Variants in SLC2A5 observed in about 807,000 individuals in gnomAD.
SLC2A5 encodes solute carrier family 2, facilitated glucose transporter member 5.
SLC2A5 carries 56 observed loss-of-function variants against 50.3 expected under a neutral mutation model. The ratio of observed to expected loss-of-function variants is 1.11; its 90% CI spans 0.90 to 1.39. The LOEUF is 1.39. SLC2A5 is among the 40% of genes most tolerant of loss of function. SLC2A5 has a pLI of 0.00. For synonymous variants in SLC2A5, 269 were observed against 281.9 expected (o/e 0.95, Z 0.46); for missense variants, 566 against 650.1 (o/e 0.87, Z 1.41).
Position 9,037,611 on chromosome 1 carries a change from A to C in SLC2A5, c.1481T>G (p.Leu494Arg), listed in dbSNP as rs1214102339. Reference protein sequence around the residue: ...VYPEKEELKELPPVTSEQ With the variant: ...VYPEKEELKERPPVTSEQ ...TCACTGTTCCGAAGTGACAGGTGGA[A>C]GCTCTTTCAGTTCCTCCTTTTCCGG... The change falls in exon 12 of 12, where the codon CTT becomes CGT. Residue 494 changes from leucine (L) to arginine (R), a missense_variant. Coordinates refer to ENST00000377424, the MANE Select transcript of SLC2A5 (RefSeq NM_003039.3). 2 of 1,613,944 alleles carry C rather than the reference A, an allele frequency of 1.2e-6. No homozygotes were observed. Among genetic ancestry groups the C allele is most frequent in the Non-Finnish European group, 1.7e-6 (2 of 1,180,008 alleles).
chr1:9,085,263 G>A (rs1285592825), intron 1 of SLC2A5: 1 of 152,224 alleles, frequency 6.6e-6, no homozygotes, highest in Non-Finnish European at 1.5e-5. Context: ...GTGCCCAAGG[G>A]TACAGCTTGC....
chr1:9,037,537 A>G lies in SLC2A5; in HGVS notation c.*49T>C. 6.5e-7 allele frequency: 1 copy of G among 1,531,850 alleles called. No homozygotes were observed. The highest frequency in any genetic ancestry group is 9.0e-7 in the Non-Finnish European group (1 of 1,108,622). 94.9% of individuals were successfully genotyped at this position (1,531,850 alleles called of 1,614,324 possible). On this transcript the variant is annotated 3_prime_UTR_variant, in exon 12 of 12. Coordinates refer to ENST00000377424, the MANE Select transcript of SLC2A5 (RefSeq NM_003039.3). ...CAGCTAGAAGTCAGAAAAATAAGCC[A>G]AAGTGGGAAGCCCCTGGCAGACCAG...
intron 1 of SLC2A5, among the ~76,000 whole-genome samples, chr1:9,062,016 C>T (rs558554637): frequency 1.3e-5 from 2 of 152,342 alleles, no homozygotes; most frequent in South Asian, 4.1e-4. Flanking sequence ...ATTCAAGCCA[C>T]AGGCACATTC....
At chr1:9,080,475 G>C (rs568799199) in intron 2 of SLC2A5, among the ~76,000 whole-genome samples, 1 of 152,214 alleles carries the variant, frequency 6.6e-6, no homozygotes, top group East Asian at 1.9e-4. Flanking sequence ...ACCAGCACTT[G>C]TTATTTTCTG....
At chr1:9,093,291 C>T (rs957672910), upstream of SLC2A5, among the ~76,000 whole-genome samples, 2 of 152,150 alleles carry the variant, frequency 1.3e-5, no homozygotes, top group African/African-American at 4.8e-5. Context: ...GACTCCCCAG[C>T]TGGTTTCATC....
intron 3 of SLC2A5, among the ~76,000 whole-genome samples, chr1:9,054,142 A>C (rs1394064075): frequency 6.6e-6 from 1 of 152,176 alleles, no homozygotes; most frequent in Non-Finnish European, 1.5e-5. Flanking sequence ...ACACGGAGGA[A>C]CTTCATGGAG....
intron 2 of SLC2A5, among the ~76,000 whole-genome samples, chr1:9,084,013 G>A (rs575522978): frequency 6.7e-6 from 1 of 149,378 alleles, no homozygotes; most frequent in Non-Finnish European, 1.5e-5. Context: ...GCAAGGTGGC[G>A]GGCGCCTGTA....
intron 1 of SLC2A5, among the ~76,000 whole-genome samples, chr1:9,069,298 C>A (rs529362095): frequency 6.6e-6 from 1 of 152,334 alleles, no homozygotes; most frequent in East Asian, 1.9e-4. Context: ...AGAATGATTT[C>A]CACAGAGCAC....
chr1:9,039,025 C>T (rs1368635789), intron 8 of SLC2A5, 96 bp from the exon 9 acceptor site: 4 of 1,411,404 alleles, frequency 2.8e-6, no homozygotes, highest in Admixed American at 4.4e-5. Context: ...CTGGGCGGAC[C>T]GGGTGCCCAC....
chr1:9,044,800 CTG>C (rs1323199046), intron 4 of SLC2A5, among the ~76,000 whole-genome samples: 2 of 152,190 alleles, frequency 1.3e-5, no homozygotes, highest in African/African-American at 2.4e-5. Flanking sequence ...AGTGATCCAA[CTG>C]CCTCAGCTTC....
At chr1:9,043,350 A>G (rs1641352799) in intron 4 of SLC2A5, among the ~76,000 whole-genome samples, 1 of 152,126 alleles carries the variant, frequency 6.6e-6, no homozygotes, top group African/African-American at 2.4e-5. Flanking sequence ...TTGAAAAGAG[A>G]CATCACAGTT....
At chr1:9,062,475 G>A (rs1237479165) in intron 1 of SLC2A5, among the ~76,000 whole-genome samples, 2 of 152,160 alleles carry the variant, frequency 1.3e-5, no homozygotes, top group African/African-American at 4.8e-5. Flanking sequence ...AAACCGGGGT[G>A]AGGGCCACAG....
chr1:9,093,459 T>A (rs1157454341), upstream of SLC2A5, among the ~76,000 whole-genome samples: 1 of 152,100 alleles, frequency 6.6e-6, no homozygotes, highest in African/African-American at 2.4e-5. Context: ...AAGCCGCTTA[T>A]GTCTCTTTGT....
At chr1:9,039,744 T>C in intron 7 of SLC2A5, 56 bp downstream of exon 7, 2 of 1,423,710 alleles carry the variant, frequency 1.4e-6, no homozygotes, top group South Asian at 2.9e-5. Context: ...CCCCAGGACC[T>C]GCGCCCCGCG....
intron 3 of SLC2A5, among the ~76,000 whole-genome samples, chr1:9,050,344 G>C (rs1412931159): frequency 2.0e-5 from 3 of 151,910 alleles, no homozygotes; most frequent in South Asian, 4.2e-4. Context: ...TGTAGTCCCA[G>C]CTACTGGAGA....
Position 9,039,972 on chromosome 1 carries a change from C to A in SLC2A5, c.713G>T (p.Arg238Leu), listed in dbSNP as rs753596002. The A allele has an allele frequency of 1.6e-5, 26 of 1,611,622 alleles. No homozygotes were observed. The South Asian group carries it at 2.9e-4, about 18-fold the overall frequency. ...CTCCCTGTCCACAGAGTCCCAGCCG[C>A]GCAGCGTCTGTAGGGCTGGGGAGAA... ...AAAKKALQTLRGWDSVDREVA... is the reference protein window; with the variant it reads ...AAAKKALQTLLGWDSVDREVA... The change falls in exon 7 of 12, where the codon CGC becomes CTC. Residue 238 changes from arginine to leucine, a missense_variant. Coordinates refer to ENST00000377424, the MANE Select transcript of SLC2A5 (RefSeq NM_003039.3).
At chr1:9,063,094 C>T (rs1641987207) in intron 1 of SLC2A5, among the ~76,000 whole-genome samples, 1 of 152,192 alleles carries the variant, frequency 6.6e-6, no homozygotes, top group Admixed American at 6.5e-5. Context: ...GCATGAGACA[C>T]CACTTCTCAC....
chr1:9,083,128 C>G (rs1195266621), intron 2 of SLC2A5, among the ~76,000 whole-genome samples: 1 of 152,096 alleles, frequency 6.6e-6, no homozygotes, highest in Non-Finnish European at 1.5e-5. Flanking sequence ...GACTCTGTCT[C>G]AAAAAAATTG....
chr1:9,035,315 G>A lies in SLC2A5; in HGVS notation c.*2271C>T, dbSNP rs776102159. 6.6e-6 allele frequency: 1 copy of A among 152,236 alleles called. No individual in the cohort carries two copies. The highest frequency in any genetic ancestry group is 1.5e-5 in the Non-Finnish European group (1 of 68,054). 9.4% of individuals were successfully genotyped at this position (152,236 alleles called of 1,614,324 possible). On this transcript the variant is annotated 3_prime_UTR_variant, in exon 12 of 12. Transcript: ENST00000377424. ...GAGGTGCTGCAGTTTCTTGACTTCTGATATTCTGACCTGGCCTCTCCTCAG... is the reference window on the plus strand; with the variant it reads ...GAGGTGCTGCAGTTTCTTGACTTCTAATATTCTGACCTGGCCTCTCCTCAG...
Sources: gnomAD v4.1 joint callset for allele counts (sites outside exome capture counted in the v4.1 genomes callset) on GRCh38, gnomAD v4.1.1 for gene constraint, MANE v1.5 for transcripts, NCBI Gene and HGNC (gene_info 2026-07-23, HGNC 2026-07-21) for gene names.